The following UBAP2L variants were observed in gnomAD, a reference collection of about 807,000 sequenced individuals.
The protein encoded by UBAP2L is ubiquitin-associated protein 2-like.
Under a neutral mutation model 130.6 loss-of-function variants are expected in UBAP2L, and 12 were observed. The ratio of observed to expected loss-of-function variants is 0.09; its 90% CI spans 0.06 to 0.15. The LOEUF (loss-of-function observed/expected upper bound fraction) is 0.15. Ranked by LOEUF, UBAP2L falls within the 10% of genes least tolerant of loss-of-function variation. The pLI is 1.00. For missense variants in UBAP2L, 965 were observed against 1,332.5 expected (o/e 0.72, Z 4.29); for synonymous variants, 503 against 524.7 (o/e 0.96, Z 0.57).
chr1:154,249,938 A>C (rs552087008), intron 12 of UBAP2L, among the ~76,000 whole-genome samples: 13 of 150,660 alleles, frequency 8.6e-5, no homozygotes, highest in African/African-American at 3.2e-4. Context: ...GGTTTTAATT[A>C]TTATTATTAT....
intron 20 of UBAP2L, chr1:154,257,661 T>C: frequency 1.8e-6 from 1 of 541,906 alleles, no homozygotes; most frequent in South Asian, 2.5e-5. Context: ...CAGCGTGCAG[T>C]TCAAACCTGT....
intron 23 of UBAP2L, 128 bp from the exon 24 acceptor site, chr1:154,261,463 TA>T: frequency 1.1e-6 from 1 of 888,266 alleles, no homozygotes; most frequent in Non-Finnish European, 1.8e-6. Flanking sequence ...CTAATTTCAC[TA>T]AGCAAACTGT....
intron 24 of UBAP2L, among the ~76,000 whole-genome samples, chr1:154,263,824 C>G (rs1322589953): frequency 6.6e-6 from 1 of 152,138 alleles, no homozygotes; most frequent in Non-Finnish European, 1.5e-5. Flanking sequence ...AGTGTCATGT[C>G]ATGGTGAAAG....
chr1:154,229,084 A>T (rs567014375), intron 4 of UBAP2L, among the ~76,000 whole-genome samples: 1 of 151,740 alleles, frequency 6.6e-6, no homozygotes, highest in East Asian at 1.9e-4. Context: ...CACACACTAT[A>T]CTTGATTCTG....
At chr1:154,267,880 C>CTTCTTTTTTTTTTTTTTTTTTTTTT (rs1683765424) in intron 25 of UBAP2L, among the ~76,000 whole-genome samples, 1 of 52,056 alleles carries the variant, frequency 1.9e-5, no homozygotes, top group African/African-American at 8.2e-5. Flanking sequence ...CTTATTTGGT[C>CTTCTTTTTTTTTTTTTTTTTTTTTT]TTTTTTTTTT....
chr1:154,234,830 C>T, intron 5 of UBAP2L, 71 bp downstream of exon 5: 2 of 1,541,828 alleles, frequency 1.3e-6, no homozygotes, highest in Middle Eastern at 2.0e-4. Context: ...TGCCAGGGCC[C>T]TGCTAGTCAG....
chr1:154,240,047 G>C (rs1175939289), intron 8 of UBAP2L, among the ~76,000 whole-genome samples: 3 of 152,166 alleles, frequency 2.0e-5, no homozygotes, highest in African/African-American at 7.2e-5. Context: ...CTTTGTATTA[G>C]AATACTTCTA....
At chr1:154,240,208 C>G (rs1673065110) in intron 8 of UBAP2L, among the ~76,000 whole-genome samples, 1 of 152,108 alleles carries the variant, frequency 6.6e-6, no homozygotes, top group African/African-American at 2.4e-5. Flanking sequence ...GTGCTCTTGT[C>G]CCTTCTTCAG....
intron 24 of UBAP2L, among the ~76,000 whole-genome samples, chr1:154,265,587 C>T (rs11808153): frequency 0.081 from 12,334 of 152,092 alleles, 704 homozygotes; most frequent in Non-Finnish European, 0.12. Flanking sequence ...CTTCTTGACC[C>T]GATGCCTTAT....
chr1:154,246,936 A>G lies in UBAP2L; in HGVS notation c.1014+561A>G, dbSNP rs536123708. Reference sequence around the variant, plus strand: ...ATACAAGTGTGGTTTCAGTAGTGATATTATAAATAACTTAGAACTTATGAC... The same window carrying G: ...ATACAAGTGTGGTTTCAGTAGTGATGTTATAAATAACTTAGAACTTATGAC... On this transcript the variant is annotated intron_variant, in intron 11 of 26. Transcript: ENST00000428931. 7.0e-4 allele frequency among the ~76,000 whole-genome samples: 107 copies of G among 152,320 alleles called. 1 individual carries two copies. Among genetic ancestry groups the G allele is most frequent in the South Asian group, 2.1e-4 (1 of 4,832 alleles).
At chr1:154,257,024 C>CT (rs1328047079) in intron 18 of UBAP2L, 39 bp from the exon 19 acceptor site, 1 of 1,594,320 alleles carries the variant, frequency 6.3e-7, no homozygotes, top group Admixed American at 1.7e-5. Context: ...ATGCTGATCT[C>CT]TTTTCTTCTT....
At chr1:154,263,327 T>C (rs1237901147) in intron 24 of UBAP2L, 1 of 1,422,882 alleles carries the variant, frequency 7.0e-7, no homozygotes, top group African/African-American at 1.5e-5. Flanking sequence ...CCTCCCCCAT[T>C]TCCCTCTCCC....
At chr1:154,236,671 C>G (rs1369551623) in intron 7 of UBAP2L, 60 bp downstream of exon 7, 4 of 1,571,016 alleles carry the variant, frequency 2.5e-6, no homozygotes, top group Admixed American at 1.7e-5. Context: ...TGTAGGCAGC[C>G]TTAACCAAAA....
In UBAP2L at chr1:154,232,265, A is replaced by G. The variant is rs148571045; in HGVS notation, c.280-2326A>G. 5.8e-3 allele frequency among the ~76,000 whole-genome samples: 877 copies of G among 151,806 alleles called. 13 individuals are homozygous for G. Among genetic ancestry groups the G allele is most frequent in the Middle Eastern group, 0.021 (6 of 292 alleles). On this transcript the variant is annotated intron_variant, in intron 4 of 26. Transcript: ENST00000428931. ...CTTCAACCTGGGAGGCGGAGGTTGC[A>G]GTGAGCCGAGATCGCACCACTGCAC...
intron 23 of UBAP2L, 107 bp from the exon 24 acceptor site, chr1:154,261,485 C>G: frequency 9.5e-7 from 1 of 1,048,846 alleles, no homozygotes; most frequent in Non-Finnish European, 1.5e-6. Context: ...AGTCAACTTG[C>G]ATCAGGATAG....
At chr1:154,254,950 A>T in intron 16 of UBAP2L, 60 bp downstream of exon 16, 1 of 1,557,218 alleles carries the variant, frequency 6.4e-7, no homozygotes. Context: ...TAAAATGGTG[A>T]TAATCCATTA....
intron 14 of UBAP2L, 91 bp downstream of exon 14, chr1:154,251,744 G>GC: frequency 6.8e-7 from 1 of 1,468,980 alleles, no homozygotes; most frequent in South Asian, 1.3e-5. Context: ...GAGAGGCCAA[G>GC]CCCCTCTGCA....
At position 154,237,006 on chromosome 1, in the gene UBAP2L, A is replaced by C; in HGVS notation, c.591-18A>C. 2 of 1,602,470 alleles carry C rather than the reference A, an allele frequency of 1.2e-6. No individual in the cohort carries two copies. Among genetic ancestry groups the C allele is most frequent in the Non-Finnish European group, 8.5e-7 (1 of 1,170,002 alleles). On this transcript the variant is annotated intron_variant, in intron 7 of 26. Coordinates refer to ENST00000428931, the MANE Select transcript of UBAP2L (RefSeq NM_014847.4). ...AGCTGCTTAGAGGTCAGAGACTCTT[A>C]AGTTTTATTTTTTCCAGAACCTTTA... is the stretch of plus-strand genomic sequence containing the variant.
In UBAP2L at chr1:154,241,463, G is replaced by C. The variant is rs774294560; in HGVS notation, c.704-50G>C. On this transcript the variant is annotated intron_variant, in intron 8 of 26. Transcript: ENST00000428931. ...CATTGATGTTTTCTATACATGCTTTGTACTGGCATTTAATAGTGAAGTTAC... is the reference window on the plus strand; with the variant it reads ...CATTGATGTTTTCTATACATGCTTTCTACTGGCATTTAATAGTGAAGTTAC... The C allele has an allele frequency of 3.8e-6, 6 of 1,572,112 alleles. No individual in the cohort carries two copies. In the East Asian group the frequency reaches 1.3e-4, roughly 35 times the overall value.
Sources: allele counts gnomAD v4.1 joint callset (sites outside exome capture counted in the v4.1 genomes callset), GRCh38; gene constraint gnomAD v4.1.1; transcripts MANE v1.5; gene names NCBI Gene and HGNC (gene_info 2026-07-23, HGNC 2026-07-21).